The following GRIA4 variants were observed in gnomAD, a reference collection of about 807,000 sequenced individuals.
GRIA4 encodes the protein glutamate ionotropic receptor AMPA type subunit 4.
GRIA4 carries 34 observed loss-of-function variants against 104.0 expected under a neutral mutation model. The ratio of observed to expected loss-of-function variants is 0.33; its 90% CI spans 0.25 to 0.44. The LOEUF (loss-of-function observed/expected upper bound fraction) is 0.44, where lower values mean the gene tolerates loss of function less well. Ranked by LOEUF, GRIA4 falls within the 20% of genes least tolerant of loss-of-function variation. The pLI, the probability that GRIA4 is intolerant of heterozygous loss-of-function variation, is 1.00. For synonymous variants in GRIA4, 386 were observed against 381.9 expected, an observed-to-expected ratio of 1.01 and a Z score of -0.13; for missense variants, 750 against 1,096.5, an observed-to-expected ratio of 0.68 and a Z score of 4.46.
chr11:105,659,423 T>A (rs1191419573), intron 3 of GRIA4, among the ~76,000 whole-genome samples: 2 of 151,946 alleles, frequency 1.3e-5, no homozygotes, highest in Non-Finnish European at 2.9e-5. Flanking sequence ...ATTTATTATA[T>A]CTACCCAGAA....
At chr11:105,634,502 AAAG>A (rs761958159) in intron 3 of GRIA4, among the ~76,000 whole-genome samples, 4,760 of 74,442 alleles carry the variant, frequency 0.064, 118 homozygotes, top group Non-Finnish European at 0.1. Flanking sequence ...AGAAAGAAAG[AAAG>A]AAAGAAAGAA....
intron 5 of GRIA4, among the ~76,000 whole-genome samples, chr11:105,871,554 G>T (rs1025062372): frequency 1.3e-5 from 2 of 150,866 alleles, no homozygotes; most frequent in African/African-American, 4.9e-5. Context: ...ATGTAAATAT[G>T]TCTAACTGAT....
intron 13 of GRIA4, among the ~76,000 whole-genome samples, chr11:105,928,736 A>T (rs1340022137): frequency 6.6e-6 from 1 of 152,066 alleles, no homozygotes; most frequent in Admixed American, 6.6e-5. Context: ...AAGAAATGCT[A>T]TATTGATTCT....
intron 3 of GRIA4, among the ~76,000 whole-genome samples, chr11:105,622,477 TC>T (rs1350337718): frequency 6.6e-6 from 1 of 151,910 alleles, no homozygotes; most frequent in Non-Finnish European, 1.5e-5. Context: ...CTGCTGTTTA[TC>T]TTCTGAAGTT....
chr11:105,821,872 T>C (rs1943586345), intron 4 of GRIA4, among the ~76,000 whole-genome samples: 1 of 152,066 alleles, frequency 6.6e-6, no homozygotes, highest in South Asian at 2.1e-4. Context: ...CCATGACTTA[T>C]CATATTAAGC....
chr11:105,696,919 C>T (rs544385184), intron 3 of GRIA4, among the ~76,000 whole-genome samples: 9 of 152,024 alleles, frequency 5.9e-5, no homozygotes, highest in Admixed American at 2.0e-4. Context: ...CACGTGCCAC[C>T]ACCCCAGCTA....
Position 105,951,509 on chromosome 11 carries a change from G to C in GRIA4, c.2294+17540G>C, listed in dbSNP as rs566406044. On this transcript the variant is annotated intron_variant, in intron 14 of 16. Transcript: ENST00000282499. ...TTTGAGCACAGTGATAACAACAAGG[G>C]AATGGCCTGAGGCAGGGACTTTACT... Among the ~76,000 whole-genome samples, 3 of 152,244 alleles carry C rather than the reference G, an allele frequency of 2.0e-5. No homozygotes were observed. The South Asian group carries it at 6.2e-4, about 32-fold the overall frequency.
intron 4 of GRIA4, among the ~76,000 whole-genome samples, chr11:105,771,276 G>T (rs143618128): frequency 1.4e-3 from 218 of 152,112 alleles, no homozygotes; most frequent in African/African-American, 4.6e-3. Context: ...TTGTCCAAAA[G>T]CTATTTTGCA....
intron 4 of GRIA4, among the ~76,000 whole-genome samples, chr11:105,856,159 T>G (rs1280446925): frequency 6.6e-6 from 1 of 152,162 alleles, no homozygotes. Flanking sequence ...ATTACTACCA[T>G]GTGGGTTCCT....
At chr11:105,721,596 GA>G (rs1371625906) in intron 3 of GRIA4, among the ~76,000 whole-genome samples, 1 of 152,204 alleles carries the variant, frequency 6.6e-6, no homozygotes, top group Non-Finnish European at 1.5e-5. Context: ...AAATGCCAAA[GA>G]GAGATTCCTG....
chr11:105,716,900 T>C (rs1266793258), intron 3 of GRIA4, among the ~76,000 whole-genome samples: 1 of 152,084 alleles, frequency 6.6e-6, no homozygotes, highest in Non-Finnish European at 1.5e-5. Flanking sequence ...GAAGAGCAAA[T>C]TGTTCTCACG....
At chr11:105,815,692 A>G (rs1166882994) in intron 4 of GRIA4, among the ~76,000 whole-genome samples, 1 of 152,078 alleles carries the variant, frequency 6.6e-6, no homozygotes, top group East Asian at 1.9e-4. Context: ...AAAAATGTGG[A>G]TGAGTCCTAA....
At chr11:105,660,098 G>A (rs1445611) in intron 3 of GRIA4, among the ~76,000 whole-genome samples, 149,493 of 151,780 alleles carry the variant, frequency 0.98, 73,663 homozygotes, top group Middle Eastern at 1. Flanking sequence ...GAGTTCTAAC[G>A]TTTGGTTAAT....
At chr11:105,922,320 A>G (rs1314853529) in intron 11 of GRIA4, among the ~76,000 whole-genome samples, 1 of 152,172 alleles carries the variant, frequency 6.6e-6, no homozygotes, top group South Asian at 2.1e-4. Context: ...AAAGCTGAAC[A>G]TGCCTTTGCA....
At chr11:105,679,272 C>A (rs930736214) in intron 3 of GRIA4, among the ~76,000 whole-genome samples, 1 of 152,092 alleles carries the variant, frequency 6.6e-6, no homozygotes, top group African/African-American at 2.4e-5. Flanking sequence ...CCCCTTTACT[C>A]AGAATCCACC....
At chr11:105,933,102 C>T (rs961246789) in intron 13 of GRIA4, among the ~76,000 whole-genome samples, 2 of 151,666 alleles carry the variant, frequency 1.3e-5, no homozygotes, top group African/African-American at 4.8e-5. Context: ...ATTAGTTGGA[C>T]ATGGTGGCAT....
chr11:105,668,451 A>G (rs946423290), intron 3 of GRIA4, among the ~76,000 whole-genome samples: 2 of 151,286 alleles, frequency 1.3e-5, no homozygotes, highest in Admixed American at 1.3e-4. Flanking sequence ...TAATACTACA[A>G]TAAACATGGA....
chr11:105,679,196 T>C (rs1399635489), intron 3 of GRIA4, among the ~76,000 whole-genome samples: 1 of 152,118 alleles, frequency 6.6e-6, no homozygotes, highest in African/African-American at 2.4e-5. Context: ...CTTGAGGATA[T>C]CAGTCTTTAT....
intron 4 of GRIA4, among the ~76,000 whole-genome samples, chr11:105,837,221 C>T (rs1339422942): frequency 6.6e-6 from 1 of 152,044 alleles, no homozygotes; most frequent in Non-Finnish European, 1.5e-5. Flanking sequence ...GTCCCTCCTT[C>T]GACAAGTGGA....
Sources: gnomAD v4.1 joint callset for allele counts (sites outside exome capture counted in the v4.1 genomes callset) on GRCh38, gnomAD v4.1.1 for gene constraint, MANE v1.5 for transcripts, NCBI Gene and HGNC (gene_info 2026-07-23, HGNC 2026-07-21) for gene names.